EIF2AK2: variants seen among roughly 807,000 people sequenced by gnomAD.
The protein encoded by EIF2AK2 is interferon-induced, double-stranded RNA-activated protein kinase.
A neutral mutation model predicts 70.5 loss-of-function variants in EIF2AK2; 40 were observed. That is an observed-to-expected ratio of 0.57 (90% CI 0.44 to 0.74). The LOEUF is 0.74. Ranked by LOEUF, EIF2AK2 falls within the 30% of genes least tolerant of loss-of-function variation. The probability of loss-of-function intolerance (pLI) is 0.00; values close to 1 mark genes in which losing one functional copy is unlikely to be tolerated. For missense variants in EIF2AK2, 555 were observed against 644.3 expected (o/e 0.86, Z 1.50); for synonymous variants, 198 against 220.9 (o/e 0.90, Z 0.92).
At chr2:37,109,362 C>CA in intron 14 of EIF2AK2, 67 bp from the exon 15 acceptor site, 1 of 1,428,600 alleles carries the variant, frequency 7.0e-7, no homozygotes, top group Non-Finnish European at 9.6e-7. Context: ...TTCTAAAGCC[C>CA]AAAAAAGTTA....
chr2:37,110,662 C>CA (rs1202348990), intron 14 of EIF2AK2, among the ~76,000 whole-genome samples: 1 of 151,958 alleles, frequency 6.6e-6, no homozygotes, highest in African/African-American at 2.4e-5. Flanking sequence ...TCTTGGATGA[C>CA]AAAATAGTAG....
Position 37,148,475 on chromosome 2 carries a change from C to T in EIF2AK2, c.-17+382G>A, listed in dbSNP as rs1056292037. The T allele has an allele frequency of 1.2e-5, 6 of 507,118 alleles. No homozygotes were observed. The South Asian group carries it at 1.2e-4, about 10-fold the overall frequency. 31.4% of individuals were successfully genotyped at this position (507,118 alleles called of 1,614,324 possible). A position where few individuals can be genotyped will look rare whatever the true frequency, so the allele number is the denominator to read the frequency against. On this transcript the variant is annotated intron_variant, in intron 2 of 16. Transcript: ENST00000233057. ...AGAGCTCAAGCTAAGGGTGATCAGC[C>T]CGTGACCTAGATCTCTAGACAAAAT...
chr2:37,124,872 C>T (rs982680470), intron 11 of EIF2AK2, among the ~76,000 whole-genome samples: 2 of 151,772 alleles, frequency 1.3e-5, no homozygotes, highest in Admixed American at 1.3e-4. Context: ...AGACTACAGG[C>T]GTGGCTACCA....
intron 5 of EIF2AK2, among the ~76,000 whole-genome samples, chr2:37,141,006 C>G: frequency 6.6e-6 from 1 of 152,176 alleles, no homozygotes; most frequent in East Asian, 1.9e-4. Flanking sequence ...TGGTGATGTT[C>G]TCAGTAACTT....
chr2:37,117,321 T>G (rs1489845285), intron 13 of EIF2AK2, among the ~76,000 whole-genome samples: 3 of 152,106 alleles, frequency 2.0e-5, no homozygotes, highest in African/African-American at 7.2e-5. Flanking sequence ...GCAGATCACT[T>G]GAGCTCAGGA....
At position 37,121,617 on chromosome 2, in the gene EIF2AK2, A is replaced by ATT. The variant is rs34031780; in HGVS notation, c.1067+887_1067+888dup. ...CTAAGATACATAAATTGGAGGCTTG[A>ATT]TTTTTTTTTTTTTTTTTTTTGCTAA... On this transcript the variant is annotated intron_variant, in intron 12 of 16. Transcript: ENST00000233057. Among the ~76,000 whole-genome samples, 1,158 of 122,110 alleles carry ATT rather than the reference A, an allele frequency of 9.5e-3. 23 individuals are homozygous for ATT. Among genetic ancestry groups the ATT allele is most frequent in the African/African-American group, 0.033 (1,091 of 32,926 alleles). The allele number at this position is 122,110 out of a possible 152,430, so 80.1% of individuals were successfully genotyped here.
chr2:37,122,383 G>GTTA, intron 12 of EIF2AK2, 123 bp downstream of exon 12: 1 of 1,053,858 alleles, frequency 9.5e-7, no homozygotes, highest in Non-Finnish European at 1.3e-6. Context: ...AGATAACAGT[G>GTTA]TCTCTCAGAG....
At chr2:37,141,448 GAAT>G (rs1675327114) in intron 5 of EIF2AK2, 102 bp downstream of exon 5, 2 of 1,361,444 alleles carry the variant, frequency 1.5e-6, no homozygotes, top group Admixed American at 4.7e-5. Flanking sequence ...CTTGCATACA[GAAT>G]GCTTAAAAGG....
At chr2:37,122,476 T>C (rs767414435) in intron 12 of EIF2AK2, 30 bp downstream of exon 12, 14 of 1,608,506 alleles carry the variant, frequency 8.7e-6, no homozygotes, top group Middle Eastern at 1.7e-4. Context: ...TTCCATCCTA[T>C]TATGGCTATG....
chr2:37,117,440 G>A (rs1258912506), intron 13 of EIF2AK2, among the ~76,000 whole-genome samples: 1 of 151,188 alleles, frequency 6.6e-6, no homozygotes, highest in African/African-American at 2.4e-5. Flanking sequence ...GGGGGGCCGA[G>A]GTGGGAGGAT....
chr2:37,135,019 G>A (rs1264546262), intron 10 of EIF2AK2, among the ~76,000 whole-genome samples: 2 of 152,132 alleles, frequency 1.3e-5, no homozygotes, highest in Admixed American at 1.3e-4. Context: ...TCTTTCCACA[G>A]AATTACAGGG....
At chr2:37,125,038 GT>G in intron 11 of EIF2AK2, among the ~76,000 whole-genome samples, 1 of 151,804 alleles carries the variant, frequency 6.6e-6, no homozygotes, top group East Asian at 1.9e-4. Context: ...TTGAGAGGGA[GT>G]TTCGCTTTTG....
chr2:37,143,106 G>A (rs1313185689), intron 4 of EIF2AK2, among the ~76,000 whole-genome samples: 1 of 151,832 alleles, frequency 6.6e-6, no homozygotes, highest in African/African-American at 2.4e-5. Flanking sequence ...GTGGGTGCCT[G>A]TAATCTCAGC....
At chr2:37,132,013 C>T (rs1573020256) in intron 10 of EIF2AK2, among the ~76,000 whole-genome samples, 4 of 152,280 alleles carry the variant, frequency 2.6e-5, no homozygotes, top group Middle Eastern at 6.8e-3. Context: ...TAATGGAAAA[C>T]TAATCCATTG....
intron 5 of EIF2AK2, among the ~76,000 whole-genome samples, chr2:37,140,188 T>C (rs979730160): frequency 3.9e-5 from 6 of 152,230 alleles, no homozygotes; most frequent in South Asian, 2.1e-4. Flanking sequence ...GAGGTTATAG[T>C]GTAGGGGAAG....
intron 1 of EIF2AK2, chr2:37,149,399 G>T (rs1675666257): frequency 2.0e-6 from 1 of 511,652 alleles, no homozygotes; most frequent in Non-Finnish European, 3.5e-6. Context: ...AAATGACAAA[G>T]ATTTTAAAAG....
intron 5 of EIF2AK2, 81 bp from the exon 6 acceptor site, chr2:37,139,838 T>C: frequency 2.9e-6 from 4 of 1,384,232 alleles, no homozygotes; most frequent in East Asian, 2.3e-5. Flanking sequence ...AAATAACATA[T>C]TAACAGAGAT....
chr2:37,124,587 C>G (rs1236775768), intron 11 of EIF2AK2, among the ~76,000 whole-genome samples: 1 of 152,164 alleles, frequency 6.6e-6, no homozygotes, highest in Non-Finnish European at 1.5e-5. Context: ...GGCTGCAAAA[C>G]AGCCATCGAT....
At chr2:37,126,533 C>T (rs1418840062) in intron 10 of EIF2AK2, 122 bp from the exon 11 acceptor site, 2 of 1,393,992 alleles carry the variant, frequency 1.4e-6, no homozygotes, top group Non-Finnish European at 9.6e-7. Flanking sequence ...TTGATTCTCT[C>T]CTTCTGAATA....
Sources: gnomAD v4.1 joint callset for allele counts (sites outside exome capture counted in the v4.1 genomes callset) on GRCh38, gnomAD v4.1.1 for gene constraint, MANE v1.5 for transcripts, NCBI Gene and HGNC (gene_info 2026-07-23, HGNC 2026-07-21) for gene names.